The following GOLIM4 variants were observed in gnomAD, a reference collection of about 807,000 sequenced individuals.
GOLIM4 encodes the protein golgi integral membrane protein 4, also known as 130 kDa golgi-localized phosphoprotein.
GOLIM4 carries 71 observed loss-of-function variants against 107.4 expected under a neutral mutation model. That is an observed-to-expected ratio of 0.66 (90% CI 0.55 to 0.81). GOLIM4 has a LOEUF of 0.81. GOLIM4 is among the 30% of genes least tolerant of loss of function. The pLI is 0.00. For synonymous variants in GOLIM4, 327 were observed against 294.8 expected (o/e 1.11, Z -1.12); for missense variants, 830 against 826.1 (o/e 1.00, Z -0.06).
chr3:168,051,198 G>C (rs560670676), intron 1 of GOLIM4, among the ~76,000 whole-genome samples: 1 of 152,100 alleles, frequency 6.6e-6, no homozygotes, highest in Admixed American at 6.6e-5. Flanking sequence ...ACCAAGTAGA[G>C]AGGGAGTGTG....
chr3:168,082,702 A>C (rs1721434941), intron 1 of GOLIM4, among the ~76,000 whole-genome samples: 1 of 152,192 alleles, frequency 6.6e-6, no homozygotes, highest in African/African-American at 2.4e-5. Flanking sequence ...TACATGTTAC[A>C]GAGAGGGTGA....
chr3:168,044,358 T>C (rs1166322990), intron 4 of GOLIM4, among the ~76,000 whole-genome samples: 1 of 152,078 alleles, frequency 6.6e-6, no homozygotes, highest in Non-Finnish European at 1.5e-5. Context: ...GAATAATGAG[T>C]TTTACTCAAG....
chr3:168,095,111 CG>C lies in GOLIM4; in HGVS notation c.174del (p.Ala59ProfsTer13). 3.1e-6 allele frequency: 5 copies of C among 1,601,674 alleles called. No individual in the cohort carries two copies. Among genetic ancestry groups the C allele is most frequent in the Non-Finnish European group, 4.3e-6 (5 of 1,170,670 alleles). On this transcript the variant is annotated frameshift_variant, in exon 1 of 16. Transcript: ENST00000470487. LOFTEE classifies it high-confidence loss of function. ...CCGTTAGCCGTACCTTGTAACTGGG[CG>C]GAGAGGGACTCCTGGTGCTGCTGGT... ...LKYQQHQESL[S>X]AQLQVVYEHR...
At chr3:168,090,105 A>G (rs1721831203) in intron 1 of GOLIM4, among the ~76,000 whole-genome samples, 1 of 152,192 alleles carries the variant, frequency 6.6e-6, no homozygotes, top group Admixed American at 6.5e-5. Context: ...GGGAAGGTTG[A>G]AAGCAAAGAA....
intron 1 of GOLIM4, among the ~76,000 whole-genome samples, chr3:168,076,554 C>T (rs1721093353): frequency 1.3e-5 from 2 of 151,994 alleles, no homozygotes; most frequent in South Asian, 2.1e-4. Flanking sequence ...AGCTGGGCGT[C>T]GTGGCGCACA....
intron 1 of GOLIM4, among the ~76,000 whole-genome samples, chr3:168,073,847 G>A (rs1034707566): frequency 3.3e-5 from 5 of 152,154 alleles, no homozygotes; most frequent in Non-Finnish European, 7.4e-5. Context: ...CAGGGCTACT[G>A]TAGGAGCTAA....
In GOLIM4 at chr3:168,095,141, T is replaced by A; in HGVS notation, c.145A>T (p.Lys49Ter). The A allele has an allele frequency of 6.2e-7, 1 of 1,610,680 alleles. No individual in the cohort carries two copies. Among genetic ancestry groups the A allele is most frequent in the Non-Finnish European group, 8.5e-7 (1 of 1,177,696 alleles). ...AGGGACTCCTGGTGCTGCTGGTACT[T>A]GAGCGCCACCGCCTCGGCTTTCCGC... ...QLRKAEAVALKYQQHQESLSA... is the reference protein window; with the variant it reads ...QLRKAEAVAL Residue 49 changes from lysine (K) to a stop codon, truncating the protein, a stop_gained, in exon 1 of 16, where the codon AAG becomes TAG. Transcript: ENST00000470487. LOFTEE classifies it high-confidence loss of function.
chr3:168,067,565 T>C (rs1018951285), intron 1 of GOLIM4, among the ~76,000 whole-genome samples: 5 of 150,040 alleles, frequency 3.3e-5, no homozygotes, highest in African/African-American at 1.2e-4. Flanking sequence ...CAAAAAAAAA[T>C]ACATGAGATA....
At chr3:168,033,599 T>A (rs1467366395) in intron 8 of GOLIM4, among the ~76,000 whole-genome samples, 6 of 75,954 alleles carry the variant, frequency 7.9e-5, no homozygotes, top group African/African-American at 2.6e-4. Flanking sequence ...AGAGCAAGAC[T>A]CCGTCTCAAA....
intron 13 of GOLIM4, 92 bp from the exon 14 acceptor site, chr3:168,024,686 GA>G: frequency 9.3e-7 from 1 of 1,073,986 alleles, no homozygotes. Flanking sequence ...ATGCCACCAT[GA>G]AAAGGGCACT....
intron 14 of GOLIM4, among the ~76,000 whole-genome samples, chr3:168,013,883 C>G (rs1363259785): frequency 6.6e-6 from 1 of 151,186 alleles, no homozygotes; most frequent in Non-Finnish European, 1.5e-5. Flanking sequence ...GGGACGCATT[C>G]AAAGCAGTGT....
At chr3:168,066,823 G>C (rs888649570) in intron 1 of GOLIM4, among the ~76,000 whole-genome samples, 12 of 151,974 alleles carry the variant, frequency 7.9e-5, no homozygotes, top group Non-Finnish European at 1.3e-4. Context: ...TGCTTAAAAT[G>C]CATTAACTTA....
intron 1 of GOLIM4, among the ~76,000 whole-genome samples, chr3:168,085,078 G>C (rs1721554787): frequency 6.6e-6 from 1 of 152,190 alleles, no homozygotes; most frequent in Non-Finnish European, 1.5e-5. Flanking sequence ...AGAAGAAAGA[G>C]ATACATTGGG....
chr3:168,078,585 T>C (rs1721185003), intron 1 of GOLIM4, among the ~76,000 whole-genome samples: 1 of 152,172 alleles, frequency 6.6e-6, no homozygotes, highest in Non-Finnish European at 1.5e-5. Flanking sequence ...CTCTGTAATA[T>C]TCCTCTCAAC....
chr3:168,032,512 C>G lies in GOLIM4; in HGVS notation c.1176+8G>C. On this transcript the variant is annotated splice_region_variant and intron_variant, in intron 9 of 15. Transcript: ENST00000470487. ...AGTACACCATACCAGAAGCGGGTGA[C>G]TTCATACCTCAGCACGCGCGTGCCC... 6.2e-7 allele frequency: 1 copy of G among 1,609,276 alleles called. No individual in the cohort carries two copies. The highest frequency in any genetic ancestry group is 1.1e-5 in the South Asian group (1 of 90,998).
At chr3:168,053,864 C>A (rs979322424) in intron 1 of GOLIM4, among the ~76,000 whole-genome samples, 7 of 152,106 alleles carry the variant, frequency 4.6e-5, no homozygotes, top group African/African-American at 1.7e-4. Context: ...AGACAGAATA[C>A]TGGAGATCTC....
chr3:168,060,282 A>G (rs1720189712), intron 1 of GOLIM4, among the ~76,000 whole-genome samples: 2 of 152,242 alleles, frequency 1.3e-5, no homozygotes, highest in South Asian at 4.1e-4. Context: ...TGATCCCTCT[A>G]GTCAGACTGC....
At chr3:168,015,522 C>A (rs1159280458) in intron 14 of GOLIM4, among the ~76,000 whole-genome samples, 1 of 136,924 alleles carries the variant, frequency 7.3e-6, no homozygotes, top group Non-Finnish European at 1.5e-5. Context: ...CCTTTCTTCA[C>A]AGAATTGGAA....
At position 168,009,268 on chromosome 3, in the gene GOLIM4, A is replaced by G. The variant is rs186135144; in HGVS notation, c.*1001T>C. On this transcript the variant is annotated 3_prime_UTR_variant, in exon 16 of 16. Transcript: ENST00000470487. ...CTATCATATCACCATATGTTTCACC[A>G]TATAGTTTTGAAAAATAATCCTATT... 2 of 152,062 alleles carry G rather than the reference A, an allele frequency of 1.3e-5. No homozygotes were observed. The highest frequency in any genetic ancestry group is 1.9e-4 in the East Asian group (1 of 5,176). 9.4% of individuals were successfully genotyped at this position (152,062 alleles called of 1,614,324 possible).
Sources: allele counts gnomAD v4.1 joint callset (sites outside exome capture counted in the v4.1 genomes callset), GRCh38; gene constraint gnomAD v4.1.1; transcripts MANE v1.5; gene names NCBI Gene and HGNC (gene_info 2026-07-23, HGNC 2026-07-21).